PPFIA2: variants seen among roughly 807,000 people sequenced by gnomAD.
PPFIA2 encodes PPFI scaffold protein A2, also known as liprin-alpha-2.
PPFIA2 carries 46 observed loss-of-function variants against 175.5 expected under a neutral mutation model. The observed-to-expected ratio is 0.26, with a 90% CI of 0.21 to 0.34. The LOEUF (loss-of-function observed/expected upper bound fraction) is 0.34. PPFIA2 is among the 10% of genes least tolerant of loss of function. PPFIA2 has a pLI of 1.00. For synonymous variants in PPFIA2, 568 were observed against 511.4 expected, an observed-to-expected ratio of 1.11 and a Z score of -1.49; for missense variants, 1,179 against 1,506.1, an observed-to-expected ratio of 0.78 and a Z score of 3.60.
In PPFIA2 at chr12:81,259,570, T is replaced by A. The variant is rs541901896; in HGVS notation, c.*124A>T. The A allele has an allele frequency of 6.9e-7, 1 of 1,446,040 alleles. No homozygotes were observed. Among genetic ancestry groups the A allele is most frequent in the South Asian group, 1.2e-5 (1 of 81,558 alleles). The allele number at this position is 1,446,040 out of a possible 1,614,324, so 89.6% of individuals were successfully genotyped here. A position where few individuals can be genotyped will look rare whatever the true frequency, so the allele number is the denominator to read the frequency against. On this transcript the variant is annotated 3_prime_UTR_variant, in exon 33 of 33. Coordinates refer to ENST00000549396, the MANE Select transcript of PPFIA2 (RefSeq NM_003625.5). ...TTTTAATAAGTCATGACGTCATTAT[T>A]TCCTTAGAATTCAGTTTTCACAAAG...
intron 17 of PPFIA2, 120 bp from the exon 18 acceptor site, chr12:81,347,890 C>T (rs879401097): frequency 7.3e-6 from 10 of 1,360,946 alleles, no homozygotes; most frequent in Middle Eastern, 5.3e-4. Flanking sequence ...GAACATTTTA[C>T]ATCAAATCTA....
intron 32 of PPFIA2, chr12:81,260,138 T>C (rs1465116073): frequency 6.6e-6 from 1 of 152,444 alleles, no homozygotes; most frequent in Non-Finnish European, 1.5e-5. Flanking sequence ...TTTTCAGCCA[T>C]AATGTACTTA....
intron 4 of PPFIA2, among the ~76,000 whole-genome samples, chr12:81,645,123 T>A (rs1376982603): frequency 6.6e-6 from 1 of 151,646 alleles, no homozygotes; most frequent in Non-Finnish European, 1.5e-5. Context: ...CTAAGCACAC[T>A]TTTTTAACCT....
At chr12:81,370,237 T>G (rs1198582006) in intron 11 of PPFIA2, among the ~76,000 whole-genome samples, 1 of 151,754 alleles carries the variant, frequency 6.6e-6, no homozygotes, top group African/African-American at 2.4e-5. Flanking sequence ...AAACTAAGCC[T>G]GGGGGTTATT....
intron 4 of PPFIA2, among the ~76,000 whole-genome samples, chr12:81,473,764 T>G (rs1432286754): frequency 6.6e-6 from 1 of 152,170 alleles, no homozygotes; most frequent in Non-Finnish European, 1.5e-5. Context: ...CTACCAAAAA[T>G]TGTCCAACTG....
At chr12:81,643,076 T>G (rs1166248309) in intron 4 of PPFIA2, among the ~76,000 whole-genome samples, 1 of 148,724 alleles carries the variant, frequency 6.7e-6, no homozygotes, top group Non-Finnish European at 1.5e-5. Flanking sequence ...TTTACATATA[T>G]GTTATATGTG....
intron 32 of PPFIA2, chr12:81,260,705 A>G (rs982533467): frequency 6.6e-6 from 1 of 152,220 alleles, no homozygotes; most frequent in Non-Finnish European, 1.5e-5. Context: ...CAAAAGACCA[A>G]CAATAAATTG....
At position 81,536,434 on chromosome 12, in the gene PPFIA2, TATC is replaced by T. The variant is rs909288143; in HGVS notation, c.304-78571_304-78569del. 1.2e-4 allele frequency among the ~76,000 whole-genome samples: 18 copies of T among 151,508 alleles called. 1 individual carries two copies. The highest frequency in any genetic ancestry group is 4.3e-4 in the African/African-American group (18 of 41,436). ...GCCATTCAAATGCCACACTAAGAAA[TATC>T]AACAACCTTATTTTAGATACCAACG... is the stretch of plus-strand genomic sequence containing the variant. On this transcript the variant is annotated intron_variant, in intron 4 of 32. Coordinates refer to ENST00000549396, the MANE Select transcript of PPFIA2 (RefSeq NM_003625.5).
intron 9 of PPFIA2, among the ~76,000 whole-genome samples, chr12:81,379,421 G>C (rs544321087): frequency 3.4e-4 from 51 of 152,230 alleles, no homozygotes; most frequent in Non-Finnish European, 4.9e-4. Context: ...ACACTGAGAT[G>C]TATTTAATTC....
chr12:81,400,059 C>A (rs1169914434), intron 8 of PPFIA2, among the ~76,000 whole-genome samples: 1 of 152,030 alleles, frequency 6.6e-6, no homozygotes, highest in Non-Finnish European at 1.5e-5. Flanking sequence ...TTAGTCAGAA[C>A]TTAGTGAGAA....
At chr12:81,365,344 G>A (rs1379711974) in intron 14 of PPFIA2, among the ~76,000 whole-genome samples, 1 of 151,760 alleles carries the variant, frequency 6.6e-6, no homozygotes, top group Non-Finnish European at 1.5e-5. Context: ...TGATAGTTCA[G>A]ACATGAGATA....
At chr12:81,374,109 C>T (rs2288763) in intron 11 of PPFIA2, among the ~76,000 whole-genome samples, 24,295 of 151,854 alleles carry the variant, frequency 0.16, 2,696 homozygotes, top group East Asian at 0.42. Context: ...CACTCTTCAG[C>T]GTATTATTGA....
At chr12:81,671,042 A>G (rs896484650) in intron 4 of PPFIA2, among the ~76,000 whole-genome samples, 1 of 151,970 alleles carries the variant, frequency 6.6e-6, no homozygotes, top group Non-Finnish European at 1.5e-5. Flanking sequence ...GTCCAAATAA[A>G]TAGCTTTAAA....
chr12:81,672,874 C>A (rs913619999), intron 4 of PPFIA2, among the ~76,000 whole-genome samples: 1 of 151,964 alleles, frequency 6.6e-6, no homozygotes, highest in African/African-American at 2.4e-5. Context: ...TGGAATGTCT[C>A]ATGTAGTCTC....
chr12:81,659,255 C>G (rs537956464), intron 4 of PPFIA2, among the ~76,000 whole-genome samples: 2 of 152,108 alleles, frequency 1.3e-5, no homozygotes, highest in South Asian at 4.1e-4. Flanking sequence ...TGAGCCGAAG[C>G]AGGGCGAGGC....
At chr12:81,748,131 G>C (rs2083288119) in intron 3 of PPFIA2, among the ~76,000 whole-genome samples, 1 of 143,984 alleles carries the variant, frequency 6.9e-6, no homozygotes, top group African/African-American at 2.4e-5. Context: ...TGGCCATTCA[G>C]GACATTACCC....
chr12:81,643,688 A>G (rs1203926076), intron 4 of PPFIA2, among the ~76,000 whole-genome samples: 1 of 152,012 alleles, frequency 6.6e-6, no homozygotes, highest in Non-Finnish European at 1.5e-5. Flanking sequence ...TAGGTTATCA[A>G]AATCAGGTGG....
At chr12:81,663,827 G>T (rs1016247201) in intron 4 of PPFIA2, among the ~76,000 whole-genome samples, 1 of 152,142 alleles carries the variant, frequency 6.6e-6, no homozygotes, top group Non-Finnish European at 1.5e-5. Flanking sequence ...CATGGTACTG[G>T]TACCAAAACA....
intron 7 of PPFIA2, among the ~76,000 whole-genome samples, chr12:81,434,978 A>G (rs1457733099): frequency 6.6e-6 from 1 of 152,126 alleles, no homozygotes; most frequent in Non-Finnish European, 1.5e-5. Context: ...ATTATTATTT[A>G]TATTTGAAAA....
Sources: allele counts gnomAD v4.1 joint callset (sites outside exome capture counted in the v4.1 genomes callset), GRCh38; gene constraint gnomAD v4.1.1; transcripts MANE v1.5; gene names NCBI Gene and HGNC (gene_info 2026-07-23, HGNC 2026-07-21).